Variants in SEC61B observed in about 807,000 individuals in gnomAD.
The protein encoded by SEC61B is protein transport protein Sec61 subunit beta.
SEC61B carries 7 observed loss-of-function variants against 12.6 expected under a neutral mutation model. The observed-to-expected ratio is 0.55, with a 90% CI of 0.32 to 1.04. SEC61B has a LOEUF of 1.04. SEC61B is among the 50% of genes least tolerant of loss of function. The probability of loss-of-function intolerance (pLI) is 0.05; values close to 1 mark genes in which losing one functional copy is unlikely to be tolerated. For synonymous variants in SEC61B, 54 were observed against 50.1 expected (o/e 1.08, Z -0.33); for missense variants, 107 against 130.1 (o/e 0.82, Z 0.86).
chr9:99,222,726 A>G (rs560036349), intron 2 of SEC61B, 83 bp downstream of exon 2: 3 of 1,001,300 alleles, frequency 3.0e-6, no homozygotes, highest in African/African-American at 3.3e-5. Context: ...AGACCCTAGC[A>G]TGTGAAGATT....
Position 99,222,627 on chromosome 9 carries a change from T to A in SEC61B, c.85T>A (p.Ser29Thr), listed in dbSNP as rs1374343733. The change falls in exon 2 of 4, where the codon TCC (serine) becomes ACC (threonine). Residue 29 changes from serine (S) to threonine (T), a missense_variant. By Grantham distance (58) the Ser-to-Thr change is moderately conservative. Transcript: ENST00000223641. ...SKAVAARAAGSTVRQRKNASC... is the reference protein window; with the variant it reads ...SKAVAARAAGTTVRQRKNASC... ...AGCAGTGGCCGCCCGGGCGGCGGGA[T>A]CCACTGTCCGGCAGAGGTAAGGAAC... 11 of 1,547,950 alleles carry A rather than the reference T, an allele frequency of 7.1e-6. No individual in the cohort carries two copies. The South Asian group carries it at 1.2e-4, about 17-fold the overall frequency.
chr9:99,229,266 G>A lies in SEC61B; in HGVS notation c.204-1071G>A, dbSNP rs767222223. Among the ~76,000 whole-genome samples the A allele has an allele frequency of 1.1e-4, 17 of 152,180 alleles. No homozygotes were observed. In the South Asian group the frequency reaches 1.9e-3, roughly 17 times the overall value. On this transcript the variant is annotated intron_variant, in intron 3 of 3. Coordinates refer to ENST00000223641, the MANE Select transcript of SEC61B (RefSeq NM_006808.3). ...GGGGTTGGGGATATGTGAGGTGGGG[G>A]TATCCTGACTGCCAACCTTTTGGTC... is the stretch of plus-strand genomic sequence containing the variant.
intron 2 of SEC61B, among the ~76,000 whole-genome samples, chr9:99,224,634 T>C (rs761931376): frequency 3.2e-4 from 49 of 152,186 alleles, no homozygotes; most frequent in Non-Finnish European, 6.6e-4. Flanking sequence ...GTTTTTAAAG[T>C]CGTGGGTGTT....
intron 1 of SEC61B, 42 bp downstream of exon 1, chr9:99,222,408 C>G: frequency 3.1e-6 from 5 of 1,613,940 alleles, no homozygotes; most frequent in Non-Finnish European, 4.2e-6. Flanking sequence ...CCCAGAAGCC[C>G]TGACTCCTCC....
intron 3 of SEC61B, among the ~76,000 whole-genome samples, chr9:99,228,455 TG>T (rs1159978848): frequency 6.6e-6 from 1 of 152,238 alleles, no homozygotes; most frequent in Non-Finnish European, 1.5e-5. Flanking sequence ...AGGAGTTCCT[TG>T]GCCTCTTTGC....
rs753708059 is a variant in SEC61B, at chr9:99,227,953, C to G, written c.156C>G (p.Thr52=). 6.2e-7 allele frequency: 1 copy of G among 1,613,756 alleles called. No homozygotes were observed. Among genetic ancestry groups the G allele is most frequent in the East Asian group, 2.2e-5 (1 of 44,884 alleles). ...CAGGCCGCACAACCTCGGCAGGCACCGGGGGGATGTGGCGATTCTACACAG... is the reference window on the plus strand; with the variant it reads ...CAGGCCGCACAACCTCGGCAGGCACGGGGGGGATGTGGCGATTCTACACAG... ...RSAGRTTSAG[T]GGMWRFYTED... The change falls in exon 3 of 4, where the codon ACC becomes ACG. Residue 52 remains threonine, a synonymous_variant. Coordinates refer to ENST00000223641, the MANE Select transcript of SEC61B (RefSeq NM_006808.3).
intron 2 of SEC61B, among the ~76,000 whole-genome samples, chr9:99,223,804 C>T (rs543461893): frequency 8.5e-4 from 130 of 152,330 alleles, no homozygotes; most frequent in African/African-American, 3.0e-3. Context: ...ACTTATTTTC[C>T]AAGACTAAGC....
intron 3 of SEC61B, among the ~76,000 whole-genome samples, chr9:99,229,168 C>A (rs1298394051): frequency 3.3e-5 from 5 of 151,978 alleles, no homozygotes; most frequent in Non-Finnish European, 7.4e-5. Context: ...TAAAGCCTTC[C>A]CTGGAATTCT....
At chr9:99,228,568 C>T (rs1828926200) in intron 3 of SEC61B, among the ~76,000 whole-genome samples, 2 of 152,158 alleles carry the variant, frequency 1.3e-5, no homozygotes, top group Non-Finnish European at 2.9e-5. Context: ...AATGGGTGTC[C>T]AGGGACCCCT....
At chr9:99,226,434 C>T (rs906854754) in intron 2 of SEC61B, among the ~76,000 whole-genome samples, 2 of 152,100 alleles carry the variant, frequency 1.3e-5, no homozygotes, top group Non-Finnish European at 2.9e-5. Flanking sequence ...TCTTCTTTTC[C>T]GTATATGCCC....
rs778118130 is a variant in SEC61B at position 99,230,356 on chromosome 9, G to C, written c.223G>C (p.Val75Leu). The C allele has an allele frequency of 6.2e-7, 1 of 1,608,980 alleles. No individual in the cohort carries two copies. ...GLKVGPVPVL[V>L]MSLLFIASVF... ...TTCTAGTGGCCCTGTTCCAGTATTG[G>C]TTATGAGTCTTCTGTTCATCGCTTC... Residue 75 changes from valine to leucine, a missense_variant, in exon 4 of 4, where the codon GTT becomes CTT. Physicochemically the swap from Val to Leu is conservative, Grantham distance 32. Transcript: ENST00000223641.
At chr9:99,222,513 C>G (rs775640391) in intron 1 of SEC61B, 33 bp from the exon 2 acceptor site, 2 of 1,601,962 alleles carry the variant, frequency 1.2e-6, no homozygotes, top group Non-Finnish European at 1.7e-6. Context: ...GCCTGCCGCG[C>G]TCACCCGTCT....
chr9:99,223,187 T>G (rs574903631), intron 2 of SEC61B: 1 of 152,274 alleles, frequency 6.6e-6, no homozygotes, highest in African/African-American at 2.4e-5. Context: ...TCTCATAAGC[T>G]CTTTCCTTTT....
intron 2 of SEC61B, among the ~76,000 whole-genome samples, chr9:99,225,684 G>C (rs1220227796): frequency 6.6e-6 from 1 of 152,180 alleles, no homozygotes; most frequent in Non-Finnish European, 1.5e-5. Context: ...TAGGGAATGG[G>C]AAGTATTTTG....
At chr9:99,222,742 A>G in intron 2 of SEC61B, 99 bp downstream of exon 2, 2 of 834,838 alleles carry the variant, frequency 2.4e-6, no homozygotes, top group Non-Finnish European at 3.6e-6. Context: ...AGATTGACAA[A>G]GGCAAAATGA....
intron 2 of SEC61B, 181 bp downstream of exon 2, chr9:99,222,824 C>G: frequency 3.6e-6 from 2 of 559,866 alleles, no homozygotes; most frequent in South Asian, 4.7e-5. Context: ...TTTCTCGTTG[C>G]TCAGTTTAGG....
chr9:99,222,555 A>G lies in SEC61B; in HGVS notation c.13A>G (p.Thr5Ala), dbSNP rs368657081. Residue 5 changes from threonine to alanine, a missense_variant, in exon 2 of 4, where the codon ACC becomes GCC. Transcript: ENST00000223641. ...TTGTCTCCCTCTACAGCCTGGTCCG[A>G]CCCCCAGTGGCACTAACGTGGGATC... is the stretch of plus-strand genomic sequence containing the variant. MPGPTPSGTNVGSSG... is the reference protein window; with the variant it reads MPGPAPSGTNVGSSG... 331 of 1,579,620 alleles carry G rather than the reference A, an allele frequency of 2.1e-4. No individual in the cohort carries two copies. Among genetic ancestry groups the G allele is most frequent in the Admixed American group, 1.0e-3 (54 of 53,778 alleles).
At chr9:99,230,145 C>T (rs1359079911) in intron 3 of SEC61B, among the ~76,000 whole-genome samples, 192 bp from the exon 4 acceptor site, 1 of 152,080 alleles carries the variant, frequency 6.6e-6, no homozygotes, top group Non-Finnish European at 1.5e-5. Context: ...ATTGCAGTGC[C>T]ATCATCACAC....
At chr9:99,224,667 T>C (rs1182554785) in intron 2 of SEC61B, among the ~76,000 whole-genome samples, 1 of 152,208 alleles carries the variant, frequency 6.6e-6, no homozygotes, top group Non-Finnish European at 1.5e-5. Flanking sequence ...TAGGATTCAG[T>C]GTGATAGAGC....
Sources: gnomAD v4.1 joint callset for allele counts (sites outside exome capture counted in the v4.1 genomes callset) on GRCh38, gnomAD v4.1.1 for gene constraint, MANE v1.5 for transcripts, NCBI Gene and HGNC (gene_info 2026-07-23, HGNC 2026-07-21) for gene names.